Variants in FUT8 observed in about 807,000 individuals in gnomAD.
FUT8 encodes fucosyltransferase 8.
FUT8 carries 29 observed loss-of-function variants against 71.3 expected under a neutral mutation model. The observed-to-expected ratio is 0.41, with a 90% CI of 0.30 to 0.55. The LOEUF is 0.55. Ranked by LOEUF, FUT8 falls within the 20% of genes least tolerant of loss-of-function variation. The pLI, the probability that FUT8 is intolerant of heterozygous loss-of-function variation, is 0.34. For missense variants in FUT8, 544 were observed against 702.1 expected (o/e 0.77, Z 2.55); for synonymous variants, 254 against 239.3 (o/e 1.06, Z -0.57).
At chr14:65,519,349 A>G (rs1190755726) in intron 2 of FUT8, among the ~76,000 whole-genome samples, 4 of 152,250 alleles carry the variant, frequency 2.6e-5, no homozygotes, top group Admixed American at 1.3e-4. Flanking sequence ...GTTCTAATTT[A>G]CCTAATGTTG....
chr14:65,578,193 T>C (rs373972697), intron 3 of FUT8, among the ~76,000 whole-genome samples: 1 of 152,196 alleles, frequency 6.6e-6, no homozygotes. Flanking sequence ...ACATTCTTTA[T>C]ATTTTATTCT....
At chr14:65,423,173 A>G (rs1317666557) in intron 1 of FUT8, among the ~76,000 whole-genome samples, 3 of 148,860 alleles carry the variant, frequency 2.0e-5, no homozygotes, top group African/African-American at 7.4e-5. Context: ...TTTTGTAGAG[A>G]CGGGGTTTCA....
At chr14:65,716,980 C>T (rs1895108316) in intron 7 of FUT8, among the ~76,000 whole-genome samples, 14 of 145,334 alleles carry the variant, frequency 9.6e-5, no homozygotes, top group Admixed American at 9.5e-4. Flanking sequence ...GGCAGAGGTG[C>T]TCCACACTTC....
chr14:65,463,292 G>A (rs116384935), intron 2 of FUT8, among the ~76,000 whole-genome samples: 2,653 of 152,040 alleles, frequency 0.017, 78 homozygotes, highest in African/African-American at 0.061. Flanking sequence ...TTTGAGACAG[G>A]GCCTCACTCT....
chr14:65,587,658 C>G (rs1012263742), intron 3 of FUT8, among the ~76,000 whole-genome samples: 1 of 152,154 alleles, frequency 6.6e-6, no homozygotes, highest in Non-Finnish European at 1.5e-5. Flanking sequence ...AGATTCAGGA[C>G]ACTGAATCTA....
chr14:65,457,431 C>T (rs1398598295), intron 2 of FUT8, among the ~76,000 whole-genome samples: 10 of 152,088 alleles, frequency 6.6e-5, no homozygotes, highest in African/African-American at 2.4e-4. Flanking sequence ...TTGTGGTGTT[C>T]CCTGATTTTG....
intron 7 of FUT8, among the ~76,000 whole-genome samples, chr14:65,704,890 C>T (rs1249056377): frequency 6.6e-6 from 1 of 152,152 alleles, no homozygotes; most frequent in Non-Finnish European, 1.5e-5. Context: ...AGTCCCCAAC[C>T]CAGAGTTAAG....
upstream of FUT8, chr14:65,412,313 C>T: frequency 2.2e-6 from 1 of 456,664 alleles, no homozygotes; most frequent in Non-Finnish European, 4.4e-6. Flanking sequence ...TAGCAAGGAG[C>T]CAGCTTCAAA....
chr14:65,548,697 G>A (rs754045395), intron 2 of FUT8, among the ~76,000 whole-genome samples: 5 of 151,844 alleles, frequency 3.3e-5, no homozygotes, highest in Non-Finnish European at 5.9e-5. Flanking sequence ...CAAAACCACA[G>A]TCTATAAAAG....
At position 65,742,377 on chromosome 14, in the gene FUT8, C is replaced by A; in HGVS notation, c.1695C>A (p.Val565=). 6.2e-7 allele frequency: 1 copy of A among 1,612,496 alleles called. No individual in the cohort carries two copies. Among genetic ancestry groups the A allele is most frequent in the South Asian group, 1.1e-5 (1 of 90,996 alleles). ...SYKVREKIET[V]KYPTYPEAEK Reference sequence around the variant, plus strand: ...AAGTTCGAGAGAAGATAGAAACGGTCAAGTACCCCACATATCCTGAGGCTG... The same window carrying A: ...AAGTTCGAGAGAAGATAGAAACGGTAAAGTACCCCACATATCCTGAGGCTG... The change falls in exon 11 of 11, where the codon GTC becomes GTA. Residue 565 remains valine (V), a synonymous_variant. Coordinates refer to ENST00000673929, the MANE Select transcript of FUT8 (RefSeq NM_001371533.1).
intron 2 of FUT8, among the ~76,000 whole-genome samples, chr14:65,543,550 A>T (rs1019827687): frequency 2.0e-5 from 3 of 152,156 alleles, no homozygotes; most frequent in African/African-American, 7.2e-5. Flanking sequence ...TTTTAAAAAA[A>T]ACATAGAGTG....
At chr14:65,462,811 A>G (rs1307471782) in intron 2 of FUT8, among the ~76,000 whole-genome samples, 1 of 152,242 alleles carries the variant, frequency 6.6e-6, no homozygotes, top group Non-Finnish European at 1.5e-5. Flanking sequence ...GATGATAAGT[A>G]TAAATACAGG....
At chr14:65,376,865 GGA>G in the FUT8 span, among the ~76,000 whole-genome samples, 3,789 of 152,316 alleles carry the variant, frequency 0.025, 67 homozygotes, top group Non-Finnish European at 0.041. Context: ...GGGAGGTCTT[GGA>G]GAGCAAGGTG....
chr14:65,670,351 CT>C (rs1419586691), intron 7 of FUT8, among the ~76,000 whole-genome samples: 2 of 152,062 alleles, frequency 1.3e-5, no homozygotes, highest in Admixed American at 6.5e-5. Flanking sequence ...AGAGTAATCA[CT>C]TTATTGAATT....
intron 6 of FUT8, among the ~76,000 whole-genome samples, chr14:65,650,908 G>A (rs1294451073): frequency 6.6e-6 from 1 of 152,100 alleles, no homozygotes; most frequent in African/African-American, 2.4e-5. Context: ...CCCTTCCCCA[G>A]GTGCTGTAGC....
In FUT8 at chr14:65,561,347, G is replaced by T. The variant is rs45549535; in HGVS notation, c.-217G>T. 1.1e-5 allele frequency: 6 copies of T among 538,160 alleles called. No homozygotes were observed. The highest frequency in any genetic ancestry group is 2.0e-5 in the Non-Finnish European group (6 of 301,138). The allele number at this position is 538,160 out of a possible 1,614,324, so 33.3% of individuals were successfully genotyped here. ...TTACTCTTTCCACAGCATGTAGAGCGCATGAAGTACAGGACAATAAAGCTT... is the reference window on the plus strand; with the variant it reads ...TTACTCTTTCCACAGCATGTAGAGCTCATGAAGTACAGGACAATAAAGCTT... On this transcript the variant is annotated 5_prime_UTR_variant, in exon 3 of 11. Coordinates refer to ENST00000673929, the MANE Select transcript of FUT8 (RefSeq NM_001371533.1).
At position 65,627,218 on chromosome 14, in the gene FUT8, T is replaced by C. The variant is rs534139761; in HGVS notation, c.483-2274T>C. 2.0e-5 allele frequency among the ~76,000 whole-genome samples: 3 copies of C among 152,160 alleles called. No homozygotes were observed. Among genetic ancestry groups the C allele is most frequent in the Admixed American group, 1.3e-4 (2 of 15,280 alleles). On this transcript the variant is annotated intron_variant, in intron 5 of 10. Coordinates refer to ENST00000673929, the MANE Select transcript of FUT8 (RefSeq NM_001371533.1). The surrounding 1 kb of genome is among the most constrained non-coding windows in gnomAD (Gnocchi z 4.0). ...GATAAGAAGTAAGTAATATTGTATA[T>C]TGGAAAATGATAACTGCTTAGAAAA...
At chr14:65,741,111 G>T (rs1420498187) in intron 10 of FUT8, among the ~76,000 whole-genome samples, 1 of 151,898 alleles carries the variant, frequency 6.6e-6, no homozygotes, top group Non-Finnish European at 1.5e-5. Flanking sequence ...TAAATTGGGT[G>T]ATAGTTTAGT....
intron 7 of FUT8, among the ~76,000 whole-genome samples, chr14:65,720,619 G>A (rs906597067): frequency 5.3e-5 from 8 of 152,188 alleles, no homozygotes; most frequent in African/African-American, 1.7e-4. Context: ...ACCTCAGCTG[G>A]TGGCTCACTA....
Sources: gnomAD v4.1 joint callset for allele counts (sites outside exome capture counted in the v4.1 genomes callset) on GRCh38, gnomAD v4.1.1 for gene constraint, Gnocchi (gnomAD v3.1) non-coding constraint, MANE v1.5 for transcripts, NCBI Gene and HGNC (gene_info 2026-07-23, HGNC 2026-07-21) for gene names.